NDNF: variants seen among roughly 807,000 people sequenced by gnomAD.
NDNF encodes the protein neuron derived neurotrophic factor, also known as protein NDNF.
Under a neutral mutation model 42.0 loss-of-function variants are expected in NDNF, and 16 were observed. The observed-to-expected ratio is 0.38, with a 90% CI of 0.26 to 0.58. NDNF has a LOEUF of 0.58. Among genes scored for constraint, NDNF ranks in the 20% least tolerant of loss-of-function variants. NDNF has a pLI of 0.67. For missense variants in NDNF, 616 were observed against 666.2 expected, an observed-to-expected ratio of 0.92 and a Z score of 0.83; for synonymous variants, 248 against 251.7, an observed-to-expected ratio of 0.99 and a Z score of 0.14.
rs1269635189 is a variant in NDNF at position 121,037,546 on chromosome 4, G to A, written c.425C>T (p.Pro142Leu). Reference sequence around the variant, plus strand: ...AAGATCCAACTGATATAAACCGGATGGGGAACTAGACGATATAAAATACTC... The same window carrying A: ...AAGATCCAACTGATATAAACCGGATAGGGAACTAGACGATATAAAATACTC... ...DVEYFISSSS[P>L]SGLYQLDLLS... Residue 142 changes from proline (P) to leucine (L), a missense_variant, in exon 4 of 4, where the codon CCA (proline) becomes CTA (leucine). By Grantham distance (98) the Pro-to-Leu change is moderately conservative. Transcript: ENST00000379692. The A allele has an allele frequency of 6.2e-7, 1 of 1,613,948 alleles. No homozygotes were observed. Among genetic ancestry groups the A allele is most frequent in the Non-Finnish European group, 8.5e-7 (1 of 1,179,902 alleles).
At chr4:121,047,795 C>T (rs553490221) in intron 1 of NDNF, among the ~76,000 whole-genome samples, 1 of 152,228 alleles carries the variant, frequency 6.6e-6, no homozygotes, top group South Asian at 2.1e-4. Flanking sequence ...AGAATAAGAC[C>T]AGGCCTTCTT....
chr4:121,056,697 G>C (rs1199082890), intron 1 of NDNF, among the ~76,000 whole-genome samples: 1 of 152,160 alleles, frequency 6.6e-6, no homozygotes, highest in Non-Finnish European at 1.5e-5. Context: ...CATTCAAAAG[G>C]TGTTTCTAGT....
At chr4:121,049,642 A>C (rs1197798889) in intron 1 of NDNF, among the ~76,000 whole-genome samples, 2 of 152,132 alleles carry the variant, frequency 1.3e-5, no homozygotes, top group Non-Finnish European at 2.9e-5. Flanking sequence ...CTTTGACACT[A>C]AGCTTCTATT....
intron 1 of NDNF, among the ~76,000 whole-genome samples, chr4:121,055,501 G>C (rs1727277447): frequency 6.6e-6 from 1 of 152,140 alleles, no homozygotes; most frequent in Non-Finnish European, 1.5e-5. Flanking sequence ...GAAGAAATGA[G>C]AGAAATAAAT....
At chr4:121,063,702 G>T (rs1263065687) in intron 1 of NDNF, among the ~76,000 whole-genome samples, 1 of 152,088 alleles carries the variant, frequency 6.6e-6, no homozygotes, top group East Asian at 1.9e-4. Flanking sequence ...GGGTGTCGGG[G>T]GGGCCATGGG....
intron 1 of NDNF, among the ~76,000 whole-genome samples, chr4:121,048,973 A>G (rs1727143424): frequency 1.3e-5 from 2 of 152,246 alleles, no homozygotes; most frequent in African/African-American, 4.8e-5. Flanking sequence ...TGTAGGCACT[A>G]TTCTTTTTTC....
chr4:121,048,952 C>G (rs977554290), intron 1 of NDNF, among the ~76,000 whole-genome samples: 1 of 152,120 alleles, frequency 6.6e-6, no homozygotes, highest in Non-Finnish European at 1.5e-5. Flanking sequence ...ATGCTAGCAA[C>G]AACACTATAA....
chr4:121,042,434 T>A (rs1039471919), intron 2 of NDNF, among the ~76,000 whole-genome samples: 1 of 152,094 alleles, frequency 6.6e-6, no homozygotes, highest in African/African-American at 2.4e-5. Flanking sequence ...GGCAGACAAA[T>A]AAAGTGAAGA....
At chr4:121,039,181 T>G (rs1726941751) in intron 3 of NDNF, among the ~76,000 whole-genome samples, 1 of 5,390 alleles carries the variant, frequency 1.9e-4, no homozygotes, top group African/African-American at 3.2e-4. Context: ...AAAGACTATG[T>G]GTGTGTGTGT....
intron 1 of NDNF, among the ~76,000 whole-genome samples, chr4:121,049,958 C>G (rs1727160815): frequency 6.6e-6 from 1 of 152,300 alleles, no homozygotes; most frequent in Non-Finnish European, 1.5e-5. Context: ...TAATAACATG[C>G]AACTACTGTT....
At chr4:121,068,992 G>T (rs114740426) in intron 1 of NDNF, among the ~76,000 whole-genome samples, 1 of 152,040 alleles carries the variant, frequency 6.6e-6, no homozygotes, top group South Asian at 2.1e-4. Context: ...AATTGCTATA[G>T]AAATAAATAT....
At position 121,056,430 on chromosome 4, in the gene NDNF, G is replaced by A. The variant is rs182383684; in HGVS notation, c.-1-10592C>T. ...GGTCAGCAATCTTTTCATACATTTT[G>A]CAATACACATGTTAAATGCTCACTA... On this transcript the variant is annotated intron_variant, in intron 1 of 3. Transcript: ENST00000379692. 2.6e-5 allele frequency among the ~76,000 whole-genome samples: 4 copies of A among 152,234 alleles called. No homozygotes were observed. In the East Asian group the frequency reaches 7.7e-4, roughly 29 times the overall value.
intron 1 of NDNF, among the ~76,000 whole-genome samples, chr4:121,053,784 A>G (rs926653155): frequency 2.0e-5 from 3 of 152,262 alleles, no homozygotes; most frequent in Admixed American, 6.5e-5. Flanking sequence ...CCCCAAAGGA[A>G]GGAATAATAT....
At chr4:121,062,473 T>C (rs1000684422) in intron 1 of NDNF, among the ~76,000 whole-genome samples, 4 of 152,180 alleles carry the variant, frequency 2.6e-5, no homozygotes, top group African/African-American at 7.2e-5. Flanking sequence ...AAGAGATGAT[T>C]AAAGAAAAGT....
chr4:121,057,579 A>G (rs11729448), intron 1 of NDNF, among the ~76,000 whole-genome samples: 6 of 152,200 alleles, frequency 3.9e-5, no homozygotes, highest in Non-Finnish European at 7.3e-5. Context: ...GACGTCCATT[A>G]TCAGATGAAA....
chr4:121,067,070 T>C (rs931288172), intron 1 of NDNF, among the ~76,000 whole-genome samples: 3 of 152,208 alleles, frequency 2.0e-5, no homozygotes, highest in African/African-American at 7.2e-5. Context: ...TATTTAAAAG[T>C]CTCCACGCTG....
intron 1 of NDNF, among the ~76,000 whole-genome samples, chr4:121,056,225 G>A (rs892797547): frequency 9.9e-5 from 15 of 152,278 alleles, no homozygotes; most frequent in South Asian, 2.1e-4. Context: ...GGAATGTAGC[G>A]AACTACACAG....
chr4:121,059,942 A>T (rs932330555), intron 1 of NDNF, among the ~76,000 whole-genome samples: 4 of 152,058 alleles, frequency 2.6e-5, no homozygotes, highest in Non-Finnish European at 4.4e-5. Flanking sequence ...TTTTATTTTG[A>T]AACTCCCAAA....
At position 121,037,195 on chromosome 4, in the gene NDNF, G is replaced by C. The variant is rs779264668; in HGVS notation, c.776C>G (p.Ser259Cys). 15 of 1,614,042 alleles carry C rather than the reference G, an allele frequency of 9.3e-6. No homozygotes were observed. The highest frequency in any genetic ancestry group is 1.7e-5 in the Admixed American group (1 of 59,986). Residue 259 changes from serine to cysteine, a missense_variant, in exon 4 of 4, where the codon TCT becomes TGT. Physicochemically the swap from Ser to Cys is moderately radical, Grantham distance 112. Coordinates refer to ENST00000379692, the MANE Select transcript of NDNF (RefSeq NM_024574.4). ...PFDFAHFGFP[S>C]DNSGKERSFQ... ...ACTGCGTTCTTTACCTGAATTATCA[G>C]AAGGAAATCCAAAGTGGGCAAAGTC...
Sources: gnomAD v4.1 joint callset for allele counts (sites outside exome capture counted in the v4.1 genomes callset) on GRCh38, gnomAD v4.1.1 for gene constraint, MANE v1.5 for transcripts, NCBI Gene and HGNC (gene_info 2026-07-23, HGNC 2026-07-21) for gene names.